ZDBF2: variants seen among roughly 807,000 people sequenced by gnomAD.
ZDBF2 encodes the protein DBF4-type zinc finger-containing protein 2.
A neutral mutation model predicts 9.4 loss-of-function variants in ZDBF2; 6 were observed. The observed-to-expected ratio is 0.64, with a 90% CI of 0.35 to 1.27. The LOEUF (loss-of-function observed/expected upper bound fraction) is 1.27, where lower values mean the gene tolerates loss of function less well. ZDBF2 is among the 50% of genes most tolerant of loss of function. The pLI is 0.03. For synonymous variants in ZDBF2, 905 were observed against 946.3 expected (o/e 0.96, Z 0.80); for missense variants, 2,697 against 2,766.8 (o/e 0.97, Z 0.57).
At chr2:206,293,671 A>C (rs1692016535) in intron 3 of ZDBF2, among the ~76,000 whole-genome samples, 2 of 152,224 alleles carry the variant, frequency 1.3e-5, no homozygotes, top group South Asian at 4.1e-4. Context: ...AAATATGAAA[A>C]GCTATTGCAA....
At chr2:206,282,113 A>G (rs1002024396) in intron 3 of ZDBF2, among the ~76,000 whole-genome samples, 3 of 152,238 alleles carry the variant, frequency 2.0e-5, no homozygotes, top group African/African-American at 7.2e-5. Flanking sequence ...CTAGTATAGT[A>G]AGACAGAAGA....
intron 3 of ZDBF2, among the ~76,000 whole-genome samples, chr2:206,293,960 T>G (rs1692033869): frequency 6.6e-6 from 1 of 152,138 alleles, no homozygotes; most frequent in African/African-American, 2.4e-5. Context: ...CTTCATAGTA[T>G]TATTAGTAAT....
rs373723284 is a variant in ZDBF2, at chr2:206,309,984, C to G, written c.5456C>G (p.Ala1819Gly). The change falls in exon 5 of 5, where the codon GCC becomes GGC. Residue 1819 changes from alanine to glycine, a missense_variant. Physicochemically the swap from Ala to Gly is moderately conservative, Grantham distance 60. This residue lies in a region of ZDBF2 where 1,783 missense variants were observed against 1,776.5 expected (regional missense o/e 1.00). Transcript: ENST00000374423. Reference sequence around the variant, plus strand: ...AATCCTGATGAACCAGTTCTTGAAGCCTTGCCTCATGTACCTCCTTCATTT... The same window carrying G: ...AATCCTGATGAACCAGTTCTTGAAGGCTTGCCTCATGTACCTCCTTCATTT... ...EDNPDEPVLE[A>G]LPHVPPSFVG... The G allele has an allele frequency of 4.0e-5, 65 of 1,612,820 alleles. No homozygotes were observed. In the Middle Eastern group the frequency reaches 4.9e-4, roughly 12 times the overall value.
Position 206,310,268 on chromosome 2 carries a change from G to A in ZDBF2, c.5740G>A (p.Asp1914Asn), listed in dbSNP as rs1693086267. 1 of 1,613,960 alleles carries A rather than the reference G, an allele frequency of 6.2e-7. No homozygotes were observed. The highest frequency in any genetic ancestry group is 1.1e-5 in the South Asian group (1 of 91,078). ...SDIDDLSVAL[D>N]KPCHRHPPAE... ...TATTGATGACTTGTCAGTGGCCTTAGATAAACCATGCCATCGTCATCCTCC... is the reference window on the plus strand; with the variant it reads ...TATTGATGACTTGTCAGTGGCCTTAAATAAACCATGCCATCGTCATCCTCC... Residue 1914 changes from aspartate to asparagine, a missense_variant, in exon 5 of 5, where the codon GAT (aspartate) becomes AAT (asparagine). By Grantham distance (23) the Asp-to-Asn change is conservative. Around this residue, in one of 3 missense-constraint regions of ZDBF2, gnomAD observed 1,783 missense variants for 1,776.5 expected, o/e 1.00. Coordinates refer to ENST00000374423, the MANE Select transcript of ZDBF2 (RefSeq NM_020923.3).
rs747793676 is a variant in ZDBF2, at chr2:206,307,501, A to T, written c.2973A>T (p.Arg991Ser). The change falls in exon 5 of 5, where the codon AGA becomes AGT. Residue 991 changes from arginine (R) to serine (S), a missense_variant. Coordinates refer to ENST00000374423, the MANE Select transcript of ZDBF2 (RefSeq NM_020923.3). ...AAAAGCACGCTGAATTCCAAGGTAG[A>T]AGTACTGAATTCAGTGGTTCAAAAA... is the stretch of plus-strand genomic sequence containing the variant. ...QREKHAEFQGRSTEFSGSKTS... is the reference protein window; with the variant it reads ...QREKHAEFQGSSTEFSGSKTS... The T allele has an allele frequency of 1.7e-5, 28 of 1,613,706 alleles. No homozygotes were observed. In the South Asian group the frequency reaches 2.6e-4, roughly 15 times the overall value.
rs199996175 is a variant in ZDBF2, at chr2:206,310,137, C to T, written c.5609C>T (p.Ser1870Leu). Residue 1870 changes from serine (S) to leucine (L), a missense_variant, in exon 5 of 5, where the codon TCG becomes TTG. Ser to Leu is a moderately radical substitution (Grantham distance 145). This residue lies in a region of ZDBF2 where 1,783 missense variants were observed against 1,776.5 expected (regional missense o/e 1.00). Transcript: ENST00000374423. ...GACTGTGAGACCAAAAAAGTTTCTT[C>T]GAAGGGGAAAAAAAAGGTTACCTGG... ...DDDCETKKVS[S>L]KGKKKVTWAD... is the part of the protein sequence containing the mutation. The T allele has an allele frequency of 7.4e-6, 12 of 1,612,466 alleles. No homozygotes were observed. The East Asian group carries it at 8.9e-5, about 12-fold the overall frequency.
At chr2:206,280,395 T>A (rs564281842) in intron 2 of ZDBF2, among the ~76,000 whole-genome samples, 2 of 152,360 alleles carry the variant, frequency 1.3e-5, no homozygotes, top group Admixed American at 1.3e-4. Context: ...TTGTCCTTTA[T>A]TCAATGAATG....
chr2:206,276,422 T>C (rs116318536), intron 1 of ZDBF2, among the ~76,000 whole-genome samples: 2,588 of 152,340 alleles, frequency 0.017, 51 homozygotes, highest in African/African-American at 0.043. Flanking sequence ...CAAGGTACTG[T>C]CAGCACTCAA....
chr2:206,297,160 A>G (rs1475943669), intron 3 of ZDBF2, 86 bp from the exon 4 acceptor site: 7 of 547,672 alleles, frequency 1.3e-5, no homozygotes, highest in African/African-American at 9.8e-5. Flanking sequence ...AATTTTACCA[A>G]GAGTATAGAA....
chr2:206,288,992 T>C (rs1176493882), intron 3 of ZDBF2, among the ~76,000 whole-genome samples: 1 of 152,108 alleles, frequency 6.6e-6, no homozygotes, highest in African/African-American at 2.4e-5. Flanking sequence ...AATGACTCCA[T>C]TCCCCAGGTA....
rs767259058 is a variant in ZDBF2, at chr2:206,281,800, G to A, written c.-49-1G>A. On this transcript the variant is annotated splice_acceptor_variant, in intron 2 of 4. Transcript: ENST00000374423. LOFTEE classifies it low-confidence loss of function (5UTR_SPLICE). ...TTACCATTTTTCTTTTTGTTTTTCA[G>A]CTTGAGTATTCAAAGACAGTAGCCA... The A allele has an allele frequency of 9.0e-6, 14 of 1,558,846 alleles. No individual in the cohort carries two copies. Among genetic ancestry groups the A allele is most frequent in the Non-Finnish European group, 1.1e-5 (13 of 1,138,296 alleles).
rs1475356120 is a variant in ZDBF2, at chr2:206,307,690, C to G, written c.3162C>G (p.Asp1054Glu). The change falls in exon 5 of 5, where the codon GAC (aspartate) becomes GAG (glutamate). Residue 1054 changes from aspartate (D) to glutamate (E), a missense_variant. Asp to Glu is a conservative substitution (Grantham distance 45, BLOSUM62 2). Around this residue, in one of 3 missense-constraint regions of ZDBF2, gnomAD observed 1,783 missense variants for 1,776.5 expected, o/e 1.00. Transcript: ENST00000374423. Reference sequence around the variant, plus strand: ...ATGTTCCACCTCAGTCAATGACTGACCAACCTCAACTAGCTTTTTTGAAGG... The same window carrying G: ...ATGTTCCACCTCAGTCAATGACTGAGCAACCTCAACTAGCTTTTTTGAAGG... ...DSNVPPQSMTDQPQLAFLKEK... is the reference protein window; with the variant it reads ...DSNVPPQSMTEQPQLAFLKEK... 2 of 1,613,298 alleles carry G rather than the reference C, an allele frequency of 1.2e-6. No homozygotes were observed. Among genetic ancestry groups the G allele is most frequent in the African/African-American group, 2.7e-5 (2 of 74,892 alleles).
At position 206,312,804 on chromosome 2, in the gene ZDBF2, A is replaced by G. The variant is rs1246863343; in HGVS notation, c.*1211A>G. ...AATTCTCATTAGAAAATTACTTAAT[A>G]TTTCAAAAAATTGAATAAAACTGGT... On this transcript the variant is annotated 3_prime_UTR_variant, in exon 5 of 5. Transcript: ENST00000374423. The G allele has an allele frequency of 1.3e-5, 2 of 152,232 alleles. No homozygotes were observed. Among genetic ancestry groups the G allele is most frequent in the Non-Finnish European group, 2.9e-5 (2 of 68,038 alleles). The allele number at this position is 152,232 out of a possible 1,614,324, so 9.4% of individuals were successfully genotyped here.
chr2:206,286,919 G>T (rs1233421353), intron 3 of ZDBF2, among the ~76,000 whole-genome samples: 1 of 152,054 alleles, frequency 6.6e-6, no homozygotes, highest in Non-Finnish European at 1.5e-5. Context: ...TCTTATCGTT[G>T]CAGTTTGGTG....
rs756516549 is a variant in ZDBF2, at chr2:206,304,697, T to A, written c.189-20T>A. The A allele has an allele frequency of 1.3e-6, 2 of 1,580,412 alleles. No individual in the cohort carries two copies. Among genetic ancestry groups the A allele is most frequent in the Non-Finnish European group, 8.6e-7 (1 of 1,167,308 alleles). On this transcript the variant is annotated intron_variant, in intron 4 of 4. Transcript: ENST00000374423. ...ACAGACATTAGAATATGTTTATGAG[T>A]TTCCCCCCTTTCGTTTTAGTTCAAC...
intron 3 of ZDBF2, among the ~76,000 whole-genome samples, chr2:206,285,027 C>T (rs923816232): frequency 2.0e-5 from 3 of 152,200 alleles, no homozygotes; most frequent in Admixed American, 2.0e-4. Context: ...CTGCGCCTGG[C>T]CCCTTTTTTC....
chr2:206,277,225 C>A (rs529299123), intron 1 of ZDBF2, among the ~76,000 whole-genome samples: 2 of 151,916 alleles, frequency 1.3e-5, no homozygotes, highest in Admixed American at 1.3e-4. Flanking sequence ...ACACACACGA[C>A]AACTCCAGAC....
intron 3 of ZDBF2, among the ~76,000 whole-genome samples, chr2:206,290,251 G>C (rs1331687885): frequency 6.6e-6 from 1 of 152,144 alleles, no homozygotes; most frequent in East Asian, 1.9e-4. Context: ...CTTGATTACT[G>C]TAGCTTTGTA....
At chr2:206,290,344 T>C (rs928394776) in intron 3 of ZDBF2, among the ~76,000 whole-genome samples, 1 of 152,246 alleles carries the variant, frequency 6.6e-6, no homozygotes, top group Admixed American at 6.5e-5. Context: ...TGGTTCCTTG[T>C]ATTTCCATGT....
Sources: allele counts gnomAD v4.1 joint callset (sites outside exome capture counted in the v4.1 genomes callset), GRCh38; gene constraint gnomAD v4.1.1; regional missense constraint gnomAD v4.1.1; transcripts MANE v1.5; gene names NCBI Gene and HGNC (gene_info 2026-07-23, HGNC 2026-07-21).